Variants in NIPBL observed in about 807,000 individuals in gnomAD.
The protein encoded by NIPBL is nipped-B-like protein.
NIPBL carries 19 observed loss-of-function variants against 321.8 expected under a neutral mutation model. The ratio of observed to expected loss-of-function variants is 0.06; its 90% CI spans 0.04 to 0.09. NIPBL has a LOEUF of 0.09. Ranked by LOEUF, NIPBL falls within the 10% of genes least tolerant of loss-of-function variation. The probability of loss-of-function intolerance (pLI) is 1.00; values close to 1 mark genes in which losing one functional copy is unlikely to be tolerated. For missense variants in NIPBL, 2,210 were observed against 3,327.0 expected, an observed-to-expected ratio of 0.66 and a Z score of 8.26; for synonymous variants, 1,106 against 1,114.1, an observed-to-expected ratio of 0.99 and a Z score of 0.14.
intron 17 of NIPBL, among the ~76,000 whole-genome samples, chr5:37,006,900 C>T (rs1747499484): frequency 1.3e-5 from 2 of 151,890 alleles, no homozygotes; most frequent in African/African-American, 4.8e-5. Context: ...AAGATAAATA[C>T]TCCTTTTCTT....
rs1371074382 is a variant in NIPBL at position 37,022,398 on chromosome 5, T to G, written c.5574+8T>G. The G allele has an allele frequency of 7.5e-6, 12 of 1,596,202 alleles. No homozygotes were observed. The highest frequency in any genetic ancestry group is 8.6e-6 in the Non-Finnish European group (10 of 1,167,718). On this transcript the variant is annotated splice_region_variant and intron_variant, in intron 29 of 46. Transcript: ENST00000282516. The stretch of plus-strand genomic sequence containing the variant: ...CTGATTGAAAGAATATTGGTATGTT[T>G]GTCATTTTTATAATGATTCGTGAAT...
At chr5:36,891,003 C>T (rs1324299839) in intron 1 of NIPBL, among the ~76,000 whole-genome samples, 2 of 152,126 alleles carry the variant, frequency 1.3e-5, no homozygotes, top group Admixed American at 6.5e-5. Context: ...CGGTGGCTCA[C>T]GCTTGTAATC....
At chr5:36,945,231 G>A (rs1739534017) in intron 1 of NIPBL, among the ~76,000 whole-genome samples, 1 of 152,034 alleles carries the variant, frequency 6.6e-6, no homozygotes, top group Non-Finnish European at 1.5e-5. Flanking sequence ...GAGGTAGTTT[G>A]TAGTTTTGTG....
chr5:36,890,414 T>G (rs559109026), intron 1 of NIPBL, among the ~76,000 whole-genome samples: 11 of 152,354 alleles, frequency 7.2e-5, no homozygotes, highest in Admixed American at 3.9e-4. Flanking sequence ...ATTCACATCT[T>G]AATTCATTCA....
At chr5:37,026,536 T>C (rs1336475950) in intron 31 of NIPBL, among the ~76,000 whole-genome samples, 1 of 152,192 alleles carries the variant, frequency 6.6e-6, no homozygotes, top group African/African-American at 2.4e-5. Context: ...TTGGCATTAA[T>C]TGATGTAAAC....
At chr5:37,009,986 G>A (rs1379068838) in intron 20 of NIPBL, 101 bp from the exon 21 acceptor site, 2 of 929,118 alleles carry the variant, frequency 2.2e-6, no homozygotes, top group Non-Finnish European at 3.5e-6. Context: ...ATCATGCCTA[G>A]AAATATTGGC....
rs1755241555 is a variant in NIPBL, at chr5:37,064,995, A to T, written c.*103A>T. 4 of 1,395,210 alleles carry T rather than the reference A, an allele frequency of 2.9e-6. No homozygotes were observed. The Admixed American group carries it at 5.3e-5, about 18-fold the overall frequency. The allele number at this position is 1,395,210 out of a possible 1,614,324, so 86.4% of individuals were successfully genotyped here. ...AAAAAAATCAGTTTTATGAAGAGTA[A>T]GTGGAACCTGGGATGCAGGAACAAA... is the stretch of plus-strand genomic sequence containing the variant. On this transcript the variant is annotated 3_prime_UTR_variant, in exon 47 of 47. Coordinates refer to ENST00000282516, the MANE Select transcript of NIPBL (RefSeq NM_133433.4).
chr5:36,883,574 C>G (rs1234815595), intron 1 of NIPBL, among the ~76,000 whole-genome samples: 4 of 151,802 alleles, frequency 2.6e-5, no homozygotes, highest in Non-Finnish European at 5.9e-5. Flanking sequence ...TAAATTCTGA[C>G]TATACTTTTA....
intron 21 of NIPBL, among the ~76,000 whole-genome samples, chr5:37,012,332 T>A (rs1403002758): frequency 2.0e-5 from 3 of 151,026 alleles, no homozygotes; most frequent in African/African-American, 2.4e-5. Context: ...TTTTTTTTTT[T>A]ATCTTGGTGA....
At chr5:36,887,692 CTCATTTAT>C (rs1256145685) in intron 1 of NIPBL, among the ~76,000 whole-genome samples, 1 of 152,104 alleles carries the variant, frequency 6.6e-6, no homozygotes, top group Non-Finnish European at 1.5e-5. Flanking sequence ...TCCTGTTGAT[CTCATTTAT>C]TCACATGACT....
chr5:36,900,874 A>G (rs977495211), intron 1 of NIPBL, among the ~76,000 whole-genome samples: 2 of 152,080 alleles, frequency 1.3e-5, no homozygotes, highest in Non-Finnish European at 2.9e-5. Context: ...GCGTAATTCC[A>G]TCTTTTCTTT....
At chr5:36,894,573 T>C (rs549630774) in intron 1 of NIPBL, among the ~76,000 whole-genome samples, 1 of 152,306 alleles carries the variant, frequency 6.6e-6, no homozygotes, top group East Asian at 1.9e-4. Context: ...CACCTTTTGA[T>C]CAAAACATTT....
chr5:36,920,719 A>G (rs1370364485), intron 1 of NIPBL, among the ~76,000 whole-genome samples: 2 of 152,240 alleles, frequency 1.3e-5, no homozygotes, highest in Non-Finnish European at 2.9e-5. Context: ...ATCACCCGCC[A>G]CTAAGTACTG....
At chr5:36,971,641 A>G (rs1226866596) in intron 7 of NIPBL, 1 of 161,100 alleles carries the variant, frequency 6.2e-6, no homozygotes, top group South Asian at 2.0e-4. Context: ...CTCTGCCCTC[A>G]AGTCATTTAC....
intron 1 of NIPBL, among the ~76,000 whole-genome samples, chr5:36,946,044 G>A (rs1365625052): frequency 6.6e-6 from 1 of 151,996 alleles, no homozygotes; most frequent in East Asian, 1.9e-4. Context: ...AATGTTAAAT[G>A]TAATATAAAC....
intron 1 of NIPBL, among the ~76,000 whole-genome samples, chr5:36,932,778 GT>G (rs35264312): frequency 0.16 from 11,363 of 69,756 alleles, 527 homozygotes; most frequent in East Asian, 0.28. Flanking sequence ...TTCCTCTGCT[GT>G]TTTTTTTTTT....
intron 6 of NIPBL, among the ~76,000 whole-genome samples, chr5:36,962,701 A>G (rs547937045): frequency 1.1e-4 from 17 of 152,218 alleles, no homozygotes; most frequent in African/African-American, 4.1e-4. Context: ...AAATATTTGG[A>G]AAAAAAATTG....
Position 37,065,225 on chromosome 5 carries a change from G to C in NIPBL, c.*333G>C. On this transcript the variant is annotated 3_prime_UTR_variant, in exon 47 of 47. Transcript: ENST00000282516. ...TTAATGTTCTTAATAAAGTGTTCTTGGAGTTTAACCTAGCAGCGGATGGCT... is the reference window on the plus strand; with the variant it reads ...TTAATGTTCTTAATAAAGTGTTCTTCGAGTTTAACCTAGCAGCGGATGGCT... The C allele has an allele frequency of 3.3e-6, 1 of 301,060 alleles. No homozygotes were observed. Among genetic ancestry groups the C allele is most frequent in the Non-Finnish European group, 6.3e-6 (1 of 158,138 alleles). The allele number at this position is 301,060 out of a possible 1,614,324, so 18.6% of individuals were successfully genotyped here.
intron 1 of NIPBL, among the ~76,000 whole-genome samples, chr5:36,908,670 G>T (rs1300092706): frequency 5.3e-5 from 8 of 152,160 alleles, no homozygotes; most frequent in Admixed American, 5.2e-4. Context: ...TCTGGTTTCA[G>T]TTTCTTCTCT....
Sources: gnomAD v4.1 joint callset for allele counts (sites outside exome capture counted in the v4.1 genomes callset) on GRCh38, gnomAD v4.1.1 for gene constraint, MANE v1.5 for transcripts, NCBI Gene and HGNC (gene_info 2026-07-23, HGNC 2026-07-21) for gene names.